FDX1: variants seen among roughly 807,000 people sequenced by gnomAD.
The protein encoded by FDX1 is ferredoxin 1, also known as adrenodoxin, mitochondrial.
In FDX1, 9 loss-of-function variants were observed where a neutral mutation model predicts 14.9. That is an observed-to-expected ratio of 0.60 (90% confidence interval 0.36 to 1.05). The LOEUF is 1.05. Ranked by LOEUF, FDX1 falls within the 50% of genes least tolerant of loss-of-function variation. The pLI is 0.01. For synonymous variants in FDX1, 92 were observed against 99.4 expected (o/e 0.93, Z 0.44); for missense variants, 204 against 237.2 (o/e 0.86, Z 0.92).
chr11:110,440,338 T>C (rs1468962946), intron 2 of FDX1, among the ~76,000 whole-genome samples: 1 of 152,168 alleles, frequency 6.6e-6, no homozygotes, highest in Non-Finnish European at 1.5e-5. Flanking sequence ...CAAGTTCTTC[T>C]AGGTTAATTT....
intron 2 of FDX1, among the ~76,000 whole-genome samples, chr11:110,452,723 A>G (rs1044071894): frequency 4.5e-4 from 68 of 152,378 alleles, no homozygotes; most frequent in Non-Finnish European, 1.8e-4. Context: ...ACCATGGGAC[A>G]TTCAAACAGT....
At chr11:110,442,060 A>G (rs116924208) in intron 2 of FDX1, among the ~76,000 whole-genome samples, 5,351 of 152,302 alleles carry the variant, frequency 0.035, 141 homozygotes, top group Non-Finnish European at 0.05. Flanking sequence ...TCCATGTGGT[A>G]TTGAGCCTGC....
intron 2 of FDX1, among the ~76,000 whole-genome samples, chr11:110,455,482 A>G (rs984418186): frequency 6.6e-6 from 1 of 152,186 alleles, no homozygotes; most frequent in African/African-American, 2.4e-5. Context: ...AACTGAAGTT[A>G]CTCTGAGGAC....
rs1946572683 is a variant in FDX1 at position 110,463,703 on chromosome 11, G to C, written c.*1235G>C. 6.6e-6 allele frequency: 1 copy of C among 152,130 alleles called. No individual in the cohort carries two copies. The highest frequency in any genetic ancestry group is 1.5e-5 in the Non-Finnish European group (1 of 68,028). The allele number at this position is 152,130 out of a possible 1,614,324, so 9.4% of individuals were successfully genotyped here. On this transcript the variant is annotated 3_prime_UTR_variant, in exon 4 of 4. Transcript: ENST00000260270. ...TTGTGTTATGCCCATTGGGGACACA[G>C]AGGTGAACAAGACAAGGAATGCCAT...
chr11:110,447,495 G>A (rs1366633610), intron 2 of FDX1, among the ~76,000 whole-genome samples: 1 of 151,974 alleles, frequency 6.6e-6, no homozygotes. Flanking sequence ...TTGCACATAG[G>A]ATAAAATCTG....
At chr11:110,443,438 CTT>C (rs1204500783) in intron 2 of FDX1, among the ~76,000 whole-genome samples, 21 of 132,412 alleles carry the variant, frequency 1.6e-4, no homozygotes, top group East Asian at 2.1e-4. Context: ...TAATAATATC[CTT>C]TTTTTTTTTT....
chr11:110,432,828 T>C (rs894705047), intron 1 of FDX1, among the ~76,000 whole-genome samples: 4 of 152,224 alleles, frequency 2.6e-5, no homozygotes, highest in Non-Finnish European at 4.4e-5. Flanking sequence ...AATTACATTT[T>C]TCTTTCGTTT....
At chr11:110,433,440 C>T (rs149993796) in intron 1 of FDX1, among the ~76,000 whole-genome samples, 1 of 152,294 alleles carries the variant, frequency 6.6e-6, no homozygotes, top group African/African-American at 2.4e-5. Flanking sequence ...CAATGTTTTT[C>T]TTTCCGCTTT....
At chr11:110,444,642 G>T (rs1282746653) in intron 2 of FDX1, among the ~76,000 whole-genome samples, 1 of 105,210 alleles carries the variant, frequency 9.5e-6, no homozygotes, top group Non-Finnish European at 1.8e-5. Context: ...ATGTGTGTGT[G>T]TGTGTGTGTA....
At chr11:110,445,118 T>G (rs1946442238) in intron 2 of FDX1, among the ~76,000 whole-genome samples, 1 of 152,186 alleles carries the variant, frequency 6.6e-6, no homozygotes, top group African/African-American at 2.4e-5. Flanking sequence ...GTATTGTTTA[T>G]TTTTATAGGT....
intron 2 of FDX1, among the ~76,000 whole-genome samples, chr11:110,443,913 G>A (rs576640685): frequency 4.4e-4 from 67 of 151,714 alleles, no homozygotes; most frequent in South Asian, 8.3e-4. Flanking sequence ...TTTTTAATGA[G>A]GTTGTTTTTT....
chr11:110,443,720 A>G (rs977481926), intron 2 of FDX1, among the ~76,000 whole-genome samples: 1 of 152,098 alleles, frequency 6.6e-6, no homozygotes, highest in Admixed American at 6.5e-5. Context: ...CTAGAATTAC[A>G]GGTGTGAGCC....
intron 1 of FDX1, among the ~76,000 whole-genome samples, chr11:110,432,529 T>C (rs1374614574): frequency 1.3e-5 from 2 of 152,182 alleles, no homozygotes; most frequent in African/African-American, 4.8e-5. Flanking sequence ...AGTGCAGTGG[T>C]GCCATCATGG....
chr11:110,431,101 TAGC>T (rs35673502), intron 1 of FDX1, among the ~76,000 whole-genome samples: 44,771 of 151,066 alleles, frequency 0.3, 6,666 homozygotes, highest in East Asian at 0.37. Flanking sequence ...TGCCACTTGG[TAGC>T]AGCAGCAGCA....
intron 2 of FDX1, among the ~76,000 whole-genome samples, chr11:110,436,220 C>T (rs1191035321): frequency 6.6e-6 from 1 of 152,126 alleles, no homozygotes; most frequent in East Asian, 1.9e-4. Flanking sequence ...TGATACAAAG[C>T]CGACGGTAGG....
At position 110,445,700 on chromosome 11, in the gene FDX1, G is replaced by T. The variant is rs181613989; in HGVS notation, c.310+9742G>T. Among the ~76,000 whole-genome samples, 7 of 152,196 alleles carry T rather than the reference G, an allele frequency of 4.6e-5. No individual in the cohort carries two copies. In the East Asian group the frequency reaches 1.3e-3, roughly 29 times the overall value. ...CTTTCCCAGCTGTATCCCTTTTTCAGCTTTGTGACCTTGGGTTGGGTATCT... is the reference window on the plus strand; with the variant it reads ...CTTTCCCAGCTGTATCCCTTTTTCATCTTTGTGACCTTGGGTTGGGTATCT... On this transcript the variant is annotated intron_variant, in intron 2 of 3. Coordinates refer to ENST00000260270, the MANE Select transcript of FDX1 (RefSeq NM_004109.5).
intron 2 of FDX1, among the ~76,000 whole-genome samples, chr11:110,450,697 CT>C (rs1946480624): frequency 6.6e-6 from 1 of 152,092 alleles, no homozygotes; most frequent in Non-Finnish European, 1.5e-5. Context: ...TATTTTGTTT[CT>C]TTGAGAAAAT....
chr11:110,444,766 A>T (rs1277523640), intron 2 of FDX1, among the ~76,000 whole-genome samples: 2 of 132,074 alleles, frequency 1.5e-5, no homozygotes, highest in African/African-American at 5.8e-5. Flanking sequence ...ATATATATAT[A>T]TTTGCAGAAC....
chr11:110,430,444 C>G, intron 1 of FDX1, 139 bp downstream of exon 1: 2 of 493,796 alleles, frequency 4.1e-6, no homozygotes, highest in Non-Finnish European at 5.9e-6. Context: ...TCTCGCCCCC[C>G]TCTTCTGGGG....
Sources: gnomAD v4.1 joint callset for allele counts (sites outside exome capture counted in the v4.1 genomes callset) on GRCh38, gnomAD v4.1.1 for gene constraint, MANE v1.5 for transcripts, NCBI Gene and HGNC (gene_info 2026-07-23, HGNC 2026-07-21) for gene names.